CNOT6: variants seen among roughly 807,000 people sequenced by gnomAD.
CNOT6 encodes the protein carbon catabolite repression 4 protein.
In CNOT6, 12 loss-of-function variants were observed where a neutral mutation model predicts 61.2. That is an observed-to-expected ratio of 0.20 (90% confidence interval 0.13 to 0.32). The LOEUF (loss-of-function observed/expected upper bound fraction) is 0.32. CNOT6 is among the 10% of genes least tolerant of loss of function. The pLI is 1.00. For synonymous variants in CNOT6, 225 were observed against 240.6 expected (o/e 0.94, Z 0.60); for missense variants, 405 against 663.9 (o/e 0.61, Z 4.28).
intron 10 of CNOT6, 146 bp from the exon 11 acceptor site, chr5:180,571,084 T>C (rs1306432267): frequency 4.8e-6 from 3 of 625,504 alleles, no homozygotes; most frequent in Non-Finnish European, 8.5e-6. Context: ...TGTGTAAAAA[T>C]AGATTTGGGC....
chr5:180,554,942 T>A (rs2127750284), intron 4 of CNOT6, among the ~76,000 whole-genome samples: 1 of 152,328 alleles, frequency 6.6e-6, no homozygotes, highest in East Asian at 1.9e-4. Flanking sequence ...AACTGTAATT[T>A]GTAATTCGTA....
intron 4 of CNOT6, among the ~76,000 whole-genome samples, chr5:180,558,453 A>G (rs1310314104): frequency 6.6e-6 from 1 of 150,716 alleles, no homozygotes; most frequent in Non-Finnish European, 1.5e-5. Context: ...GCGGCCTGGT[A>G]TCTAGTGCTT....
chr5:180,575,674 C>T lies in CNOT6; in HGVS notation c.*1474C>T, dbSNP rs1042378143. The stretch of plus-strand genomic sequence containing the variant: ...AGTGCCATTTAGAGATGAAAACCAG[C>T]TTTAACTTTGCAAAGTGAACATGTA... On this transcript the variant is annotated 3_prime_UTR_variant, in exon 12 of 12. Coordinates refer to ENST00000261951, the MANE Select transcript of CNOT6 (RefSeq NM_001370472.1). The T allele has an allele frequency of 3.9e-5, 6 of 152,526 alleles. No homozygotes were observed. The highest frequency in any genetic ancestry group is 8.8e-5 in the Non-Finnish European group (6 of 68,028). The allele number at this position is 152,526 out of a possible 1,614,324, so 9.4% of individuals were successfully genotyped here.
intron 2 of CNOT6, among the ~76,000 whole-genome samples, chr5:180,547,526 GAGAAA>G (rs1272152275): frequency 2.6e-5 from 4 of 151,826 alleles, no homozygotes; most frequent in African/African-American, 4.8e-5. Flanking sequence ...TGAAAAAAAA[GAGAAA>G]AGAAAAGAAA....
chr5:180,550,545 A>G (rs1759545742), intron 3 of CNOT6, among the ~76,000 whole-genome samples: 1 of 152,224 alleles, frequency 6.6e-6, no homozygotes. Flanking sequence ...TATATCCTTT[A>G]TAACTTTATA....
chr5:180,536,824 T>G (rs1181351902), intron 2 of CNOT6, among the ~76,000 whole-genome samples: 1 of 152,206 alleles, frequency 6.6e-6, no homozygotes, highest in Non-Finnish European at 1.5e-5. Flanking sequence ...GGGTCTTGTG[T>G]TTCCCAGCTT....
At chr5:180,573,616 C>T (rs1001707519) in intron 11 of CNOT6, among the ~76,000 whole-genome samples, 1 of 139,090 alleles carries the variant, frequency 7.2e-6, no homozygotes, top group Non-Finnish European at 1.5e-5. Flanking sequence ...TCCGTCCGTC[C>T]GTCCTGGGGC....
At chr5:180,547,768 C>G (rs1386797778) in intron 2 of CNOT6, among the ~76,000 whole-genome samples, 1 of 152,138 alleles carries the variant, frequency 6.6e-6, no homozygotes, top group African/African-American at 2.4e-5. Context: ...GAGTCTCACT[C>G]TGTCGCCCAG....
chr5:180,570,376 AAG>A (rs923982838), intron 10 of CNOT6, among the ~76,000 whole-genome samples: 3 of 152,170 alleles, frequency 2.0e-5, no homozygotes, highest in African/African-American at 4.8e-5. Flanking sequence ...ATGATAATAA[AAG>A]AGAGAGAAAG....
At chr5:180,546,057 G>A (rs1032412095) in intron 2 of CNOT6, among the ~76,000 whole-genome samples, 1 of 151,218 alleles carries the variant, frequency 6.6e-6, no homozygotes, top group Non-Finnish European at 1.5e-5. Context: ...AGTCTTGCTT[G>A]GCTAATTTTG....
chr5:180,529,200 A>C (rs1361903942), intron 1 of CNOT6, 75 bp from the exon 2 acceptor site: 1 of 677,672 alleles, frequency 1.5e-6, no homozygotes, highest in African/African-American at 1.9e-5. Context: ...TTCGTCTCAA[A>C]AAAAAAAAAA....
chr5:180,561,498 A>T lies in CNOT6; in HGVS notation c.386-2991A>T, dbSNP rs570610505. On this transcript the variant is annotated intron_variant, in intron 4 of 11. Coordinates refer to ENST00000261951, the MANE Select transcript of CNOT6 (RefSeq NM_001370472.1). The stretch of plus-strand genomic sequence containing the variant: ...CATCTCAGGGTTGGAAGTTGTGTTT[A>T]TCTTTTTGCATTTGATATCTTCGTG... Among the ~76,000 whole-genome samples, 68 of 150,754 alleles carry T rather than the reference A, an allele frequency of 4.5e-4. No individual in the cohort carries two copies. In the South Asian group the frequency reaches 0.015, roughly 32 times the overall value.
chr5:180,546,031 C>CTT (rs34520066), intron 2 of CNOT6, among the ~76,000 whole-genome samples: 29 of 151,060 alleles, frequency 1.9e-4, no homozygotes, highest in Admixed American at 4.6e-4. Flanking sequence ...CTTTCTCTCT[C>CTT]TTTTTTTTTA....
chr5:180,523,154 T>TG (rs1303423117), intron 1 of CNOT6, among the ~76,000 whole-genome samples: 6 of 152,172 alleles, frequency 3.9e-5, no homozygotes, highest in Non-Finnish European at 7.3e-5. Context: ...GCTTGGTGTG[T>TG]GGGGAAAAAC....
At chr5:180,510,707 C>G (rs1757351716) in intron 1 of CNOT6, among the ~76,000 whole-genome samples, 1 of 151,928 alleles carries the variant, frequency 6.6e-6, no homozygotes, top group Non-Finnish European at 1.5e-5. Flanking sequence ...TTTAATATAC[C>G]TATAAATGAA....
chr5:180,516,862 T>G (rs956432268), intron 1 of CNOT6, among the ~76,000 whole-genome samples: 8 of 152,246 alleles, frequency 5.3e-5, no homozygotes, highest in Non-Finnish European at 1.0e-4. Flanking sequence ...TCATTTTATC[T>G]GATTGCTCCT....
rs372309171 is a variant in CNOT6, at chr5:180,528,595, G to A, written c.-2-680G>A. On this transcript the variant is annotated intron_variant, in intron 1 of 11. Coordinates refer to ENST00000261951, the MANE Select transcript of CNOT6 (RefSeq NM_001370472.1). ...CTCCCAAAGTGCTGGGATTATAGGCGTGAGCCACCATGCCTGGCCGATTCT... is the reference window on the plus strand; with the variant it reads ...CTCCCAAAGTGCTGGGATTATAGGCATGAGCCACCATGCCTGGCCGATTCT... Among the ~76,000 whole-genome samples, 35 of 152,246 alleles carry A rather than the reference G, an allele frequency of 2.3e-4. No individual in the cohort carries two copies. The East Asian group carries it at 5.0e-3, about 22-fold the overall frequency.
At chr5:180,540,817 T>A (rs1194946257) in intron 2 of CNOT6, among the ~76,000 whole-genome samples, 1 of 152,196 alleles carries the variant, frequency 6.6e-6, no homozygotes, top group African/African-American at 2.4e-5. Flanking sequence ...ATGGTGTAAG[T>A]CTCAAAATAC....
intron 1 of CNOT6, among the ~76,000 whole-genome samples, chr5:180,505,380 C>G (rs1324482085): frequency 7.1e-6 from 1 of 141,460 alleles, no homozygotes; most frequent in East Asian, 2.1e-4. Context: ...CTCAGCCTCC[C>G]GAGTAGCTGG....
Sources: gnomAD v4.1 joint callset for allele counts (sites outside exome capture counted in the v4.1 genomes callset) on GRCh38, gnomAD v4.1.1 for gene constraint, MANE v1.5 for transcripts, NCBI Gene and HGNC (gene_info 2026-07-23, HGNC 2026-07-21) for gene names.